FAM184A: variants seen among roughly 807,000 people sequenced by gnomAD.
The protein encoded by FAM184A is family with sequence similarity 184 member A.
Under a neutral mutation model 143.8 loss-of-function variants are expected in FAM184A, and 99 were observed. The observed-to-expected ratio is 0.69, with a 90% CI of 0.58 to 0.81. The LOEUF (loss-of-function observed/expected upper bound fraction) is 0.81. Among genes scored for constraint, FAM184A ranks in the 40% least tolerant of loss-of-function variants. The pLI is 0.00. For synonymous variants in FAM184A, 427 were observed against 446.4 expected (o/e 0.96, Z 0.55); for missense variants, 1,217 against 1,310.5 (o/e 0.93, Z 1.10).
chr6:119,006,140 G>T (rs764933543), intron 7 of FAM184A: 5 of 765,082 alleles, frequency 6.5e-6, no homozygotes, highest in African/African-American at 3.4e-5. Context: ...TGGAAATTAT[G>T]TTGCCGAATG....
intron 1 of FAM184A, among the ~76,000 whole-genome samples, chr6:119,105,811 C>T (rs553032175): frequency 7.2e-4 from 109 of 152,250 alleles, no homozygotes; most frequent in African/African-American, 2.5e-3. Context: ...GAAAACCATA[C>T]GCATTGCAGA....
At chr6:118,970,204 A>G in intron 14 of FAM184A, among the ~76,000 whole-genome samples, 1 of 150,132 alleles carries the variant, frequency 6.7e-6, no homozygotes, top group Non-Finnish European at 1.5e-5. Flanking sequence ...GGGTTTTACC[A>G]TGTTGGTCAG....
chr6:119,085,070 A>C (rs1338385567), intron 1 of FAM184A, among the ~76,000 whole-genome samples: 2 of 152,246 alleles, frequency 1.3e-5, no homozygotes, highest in Non-Finnish European at 2.9e-5. Context: ...TGTCTTGGCT[A>C]TCAGCATTTG....
Position 118,987,967 on chromosome 6 carries a change from T to G in FAM184A, c.2089-7617A>C, listed in dbSNP as rs557871182. On this transcript the variant is annotated intron_variant, in intron 9 of 17. Coordinates refer to ENST00000338891, the MANE Select transcript of FAM184A (RefSeq NM_024581.6). ...CATACACAAAATATATCTTATTGAA[T>G]GCCAAACAGTATTTTTTATATAAGT... 7.9e-5 allele frequency among the ~76,000 whole-genome samples: 12 copies of G among 152,352 alleles called. 1 individual carries two copies. The highest frequency in any genetic ancestry group is 2.9e-4 in the African/African-American group (12 of 41,586).
rs112368797 is a variant in FAM184A, at chr6:118,987,525, G to C, written c.2089-7175C>G. On this transcript the variant is annotated intron_variant, in intron 9 of 17. Transcript: ENST00000338891. ...TGAAGATGAATTTCTGCATACCTGA[G>C]TGTACATAAGTAAAGAGTGATCACT... Among the ~76,000 whole-genome samples, 25 of 152,286 alleles carry C rather than the reference G, an allele frequency of 1.6e-4. 1 individual carries two copies. The highest frequency in any genetic ancestry group is 6.0e-4 in the African/African-American group (25 of 41,576).
intron 7 of FAM184A, chr6:119,006,030 A>AGTACAGAT: frequency 1.3e-6 from 1 of 741,292 alleles, no homozygotes. Context: ...AAATACAGTC[A>AGTACAGAT]GTACAGATGT....
At chr6:119,042,798 T>C (rs779691853) in intron 1 of FAM184A, among the ~76,000 whole-genome samples, 1 of 152,196 alleles carries the variant, frequency 6.6e-6, no homozygotes, top group Non-Finnish European at 1.5e-5. Context: ...TTCTAACATA[T>C]CACTCTACTA....
intron 5 of FAM184A, among the ~76,000 whole-genome samples, chr6:119,014,127 G>A (rs1021048076): frequency 6.6e-6 from 1 of 152,224 alleles, no homozygotes; most frequent in Admixed American, 6.5e-5. Context: ...AGTAAAATGT[G>A]TAGAGAAATC....
At chr6:119,073,600 G>C (rs1232108497) in intron 1 of FAM184A, among the ~76,000 whole-genome samples, 1 of 152,206 alleles carries the variant, frequency 6.6e-6, no homozygotes, top group Non-Finnish European at 1.5e-5. Flanking sequence ...GATTTCCCTG[G>C]GGAGAGCTGT....
intron 9 of FAM184A, among the ~76,000 whole-genome samples, chr6:118,996,720 A>G (rs1486334013): frequency 6.6e-6 from 1 of 151,732 alleles, no homozygotes; most frequent in African/African-American, 2.4e-5. Context: ...TCTTAGGAAG[A>G]GATTTTATTT....
chr6:119,048,931 G>A (rs1397671534), intron 1 of FAM184A, among the ~76,000 whole-genome samples: 1 of 152,122 alleles, frequency 6.6e-6, no homozygotes, highest in Non-Finnish European at 1.5e-5. Context: ...TGGCCATACT[G>A]ACCAAAGCAA....
intron 1 of FAM184A, among the ~76,000 whole-genome samples, chr6:119,054,950 A>G (rs2114754557): frequency 1.3e-5 from 2 of 152,248 alleles, no homozygotes; most frequent in Non-Finnish European, 2.9e-5. Context: ...GTGGGTTCTA[A>G]GCACATTGAC....
chr6:119,002,858 C>A (rs1446117774), intron 9 of FAM184A, 41 bp downstream of exon 9: 1 of 1,508,868 alleles, frequency 6.6e-7, no homozygotes, highest in East Asian at 2.4e-5. Flanking sequence ...CAGAGAATGT[C>A]AAGGGAGATG....
chr6:119,103,316 C>G (rs190963922), intron 1 of FAM184A, among the ~76,000 whole-genome samples: 2 of 152,276 alleles, frequency 1.3e-5, no homozygotes, highest in Admixed American at 1.3e-4. Context: ...ATCAACCCCC[C>G]CAAATCTATT....
intron 1 of FAM184A, chr6:119,025,653 G>A: frequency 3.9e-6 from 2 of 516,748 alleles, no homozygotes; most frequent in Non-Finnish European, 7.7e-6. Context: ...CTGTTCCTCG[G>A]ATGCCATCCA....
At chr6:119,046,222 A>G (rs1228241056) in intron 1 of FAM184A, among the ~76,000 whole-genome samples, 3 of 148,326 alleles carry the variant, frequency 2.0e-5, no homozygotes, top group African/African-American at 7.3e-5. Context: ...TAGAAAATGT[A>G]TACCTTTTTT....
chr6:119,125,073 A>T (rs1365104835), intron 1 of FAM184A, among the ~76,000 whole-genome samples: 1 of 152,222 alleles, frequency 6.6e-6, no homozygotes, highest in African/African-American at 2.4e-5. Flanking sequence ...TTCTTTATAA[A>T]CATTGTTGTA....
intron 6 of FAM184A, among the ~76,000 whole-genome samples, chr6:119,009,781 G>A (rs1403032267): frequency 6.6e-6 from 1 of 152,092 alleles, no homozygotes; most frequent in African/African-American, 2.4e-5. Context: ...CATAGTAGTA[G>A]GGACCATGTC....
At chr6:119,006,141 T>A (rs751862929) in intron 7 of FAM184A, 7 of 765,254 alleles carry the variant, frequency 9.1e-6, no homozygotes, top group Non-Finnish European at 1.2e-5. Context: ...GGAAATTATG[T>A]TGCCGAATGC....
Sources: allele counts gnomAD v4.1 joint callset (sites outside exome capture counted in the v4.1 genomes callset), GRCh38; gene constraint gnomAD v4.1.1; transcripts MANE v1.5; gene names NCBI Gene and HGNC (gene_info 2026-07-23, HGNC 2026-07-21).